The following KCNJ16 variants were observed in gnomAD, a reference collection of about 807,000 sequenced individuals.
The protein encoded by KCNJ16 is potassium inwardly rectifying channel subfamily J member 16.
A neutral mutation model predicts 18.5 loss-of-function variants in KCNJ16; 15 were observed. That is an observed-to-expected ratio of 0.81 (90% CI 0.54 to 1.25). The LOEUF is 1.25. KCNJ16 is among the 50% of genes most tolerant of loss of function. KCNJ16 has a pLI of 0.00. For missense variants in KCNJ16, 523 were observed against 525.7 expected, an observed-to-expected ratio of 0.99 and a Z score of 0.05; for synonymous variants, 174 against 186.5, an observed-to-expected ratio of 0.93 and a Z score of 0.55.
intron 2 of KCNJ16, 94 bp from the exon 3 acceptor site, chr17:70,130,785 C>A (rs1223077205): frequency 1.6e-6 from 1 of 637,378 alleles, no homozygotes. Flanking sequence ...TTCATCCCAT[C>A]TAGCACAGGT....
chr17:70,100,893 A>G (rs528107432), intron 2 of KCNJ16, 127 bp downstream of exon 2: 1 of 152,278 alleles, frequency 6.6e-6, no homozygotes, highest in South Asian at 2.1e-4. Flanking sequence ...ATACGTTTAT[A>G]TTTTCATAAA....
intron 2 of KCNJ16, among the ~76,000 whole-genome samples, chr17:70,105,813 T>C (rs1009571355): frequency 3.3e-5 from 5 of 152,212 alleles, no homozygotes; most frequent in Non-Finnish European, 7.3e-5. Flanking sequence ...TCCATTTCAC[T>C]AGAAGAAGTG....
At chr17:70,096,118 C>T (rs1169419996) in intron 1 of KCNJ16, among the ~76,000 whole-genome samples, 2 of 151,968 alleles carry the variant, frequency 1.3e-5, no homozygotes, top group African/African-American at 4.8e-5. Flanking sequence ...CTCCTGACCT[C>T]GTGATCCGCC....
chr17:70,112,876 G>A (rs1253282694), intron 2 of KCNJ16, among the ~76,000 whole-genome samples: 1 of 152,068 alleles, frequency 6.6e-6, no homozygotes, highest in Non-Finnish European at 1.5e-5. Flanking sequence ...ATTTTGTTCT[G>A]GATGCAGGAA....
intron 2 of KCNJ16, 115 bp downstream of exon 2, chr17:70,100,881 T>C (rs1214614575): frequency 6.6e-6 from 1 of 152,252 alleles, no homozygotes; most frequent in South Asian, 2.1e-4. Flanking sequence ...AGCTTTCTAC[T>C]TATACGTTTA....
At chr17:70,086,309 T>C (rs776980015) in intron 1 of KCNJ16, among the ~76,000 whole-genome samples, 61 of 152,220 alleles carry the variant, frequency 4.0e-4, no homozygotes, top group Non-Finnish European at 7.5e-4. Flanking sequence ...TGCCATTTAT[T>C]GCATAGTAAA....
intron 1 of KCNJ16, among the ~76,000 whole-genome samples, chr17:70,076,232 G>T (rs900356017): frequency 1.3e-5 from 2 of 152,028 alleles, no homozygotes; most frequent in Non-Finnish European, 2.9e-5. Flanking sequence ...TACTCTTATG[G>T]CTAGTAAGAG....
At chr17:70,085,932 G>A (rs960960806) in intron 1 of KCNJ16, among the ~76,000 whole-genome samples, 8 of 152,122 alleles carry the variant, frequency 5.3e-5, no homozygotes, top group African/African-American at 1.9e-4. Flanking sequence ...TCTAACGAAA[G>A]TAATGTTTTA....
In KCNJ16 at chr17:70,133,289, C is replaced by T. The variant is rs774718152; in HGVS notation, c.1202C>T (p.Pro401Leu). The T allele has an allele frequency of 1.2e-6, 2 of 1,614,080 alleles. No individual in the cohort carries two copies. Among genetic ancestry groups the T allele is most frequent in the East Asian group, 2.2e-5 (1 of 44,874 alleles). Residue 401 changes from proline (P) to leucine (L), a missense_variant, in exon 4 of 4, where the codon CCT becomes CTT. By Grantham distance (98) the Pro-to-Leu change is moderately conservative (BLOSUM62 -3). Coordinates refer to ENST00000392671, the MANE Select transcript of KCNJ16 (RefSeq NM_170741.4). ...GCCACACATGAATATAGGGAAACAC[C>T]TTATCAGAAAGCTCTCCTGACTTTA... The part of the protein sequence containing the change: ...TSATHEYRET[P>L]YQKALLTLNR...
In KCNJ16 at chr17:70,132,079, C is replaced by CA. The variant is rs749472709; in HGVS notation, c.-8dup. ...AAACTCACCTGGATCCCTAAGGGCACAGCAAAGAATGAGCTATTACGGCAG... is the reference window on the plus strand; with the variant it reads ...AAACTCACCTGGATCCCTAAGGGCACAAGCAAAGAATGAGCTATTACGGCAG... On this transcript the variant is annotated 5_prime_UTR_variant, in exon 4 of 4. Transcript: ENST00000392671. 1.2e-6 allele frequency: 2 copies of CA among 1,613,960 alleles called. No homozygotes were observed. Among genetic ancestry groups the CA allele is most frequent in the African/African-American group, 2.7e-5 (2 of 74,922 alleles).
intron 2 of KCNJ16, among the ~76,000 whole-genome samples, chr17:70,115,653 A>G (rs1394410486): frequency 6.6e-6 from 1 of 152,116 alleles, no homozygotes; most frequent in Non-Finnish European, 1.5e-5. Flanking sequence ...GGGGAAATGC[A>G]TTTGGTGCCC....
intron 1 of KCNJ16, among the ~76,000 whole-genome samples, chr17:70,075,804 AC>A (rs1465402845): frequency 6.7e-6 from 1 of 149,186 alleles, no homozygotes; most frequent in African/African-American, 2.5e-5. Flanking sequence ...TGTATTTTAT[AC>A]CCCCCTCTTA....
intron 3 of KCNJ16, chr17:70,131,281 A>G (rs1171065652): frequency 2.8e-6 from 3 of 1,084,946 alleles, no homozygotes; most frequent in Non-Finnish European, 3.5e-6. Context: ...CACCTTTCTG[A>G]AAGCTTACCT....
intron 2 of KCNJ16, among the ~76,000 whole-genome samples, chr17:70,129,584 GGAT>G (rs771670465): frequency 1.8e-4 from 28 of 152,286 alleles, no homozygotes; most frequent in South Asian, 4.1e-4. Flanking sequence ...GTCAAGAAAA[GGAT>G]GAGTGTATAG....
chr17:70,102,947 T>G (rs2072709777), intron 2 of KCNJ16, among the ~76,000 whole-genome samples: 1 of 151,022 alleles, frequency 6.6e-6, no homozygotes, highest in Non-Finnish European at 1.5e-5. Flanking sequence ...TCCTTTCCTT[T>G]TTTTTGAGAC....
intron 2 of KCNJ16, among the ~76,000 whole-genome samples, chr17:70,124,333 T>G (rs957649371): frequency 6.6e-6 from 1 of 152,182 alleles, no homozygotes; most frequent in Non-Finnish European, 1.5e-5. Flanking sequence ...TTTTCATGTT[T>G]GTTGATACCC....
At chr17:70,117,825 T>C (rs1216365046) in intron 2 of KCNJ16, among the ~76,000 whole-genome samples, 1 of 152,224 alleles carries the variant, frequency 6.6e-6, no homozygotes, top group East Asian at 1.9e-4. Flanking sequence ...GCTTACAATT[T>C]ATTTCACAGA....
intron 2 of KCNJ16, among the ~76,000 whole-genome samples, chr17:70,124,940 AG>A (rs752523848): frequency 2.2e-4 from 32 of 148,802 alleles, no homozygotes; most frequent in Middle Eastern, 3.4e-3. Context: ...AACAAGGAGC[AG>A]GGGATCTCCC....
intron 2 of KCNJ16, chr17:70,101,913 A>G (rs2072644142): frequency 6.6e-6 from 1 of 152,076 alleles, no homozygotes; most frequent in Admixed American, 6.6e-5. Flanking sequence ...ACTGAAAAGT[A>G]TTATCACAGA....
Sources: allele counts gnomAD v4.1 joint callset (sites outside exome capture counted in the v4.1 genomes callset), GRCh38; gene constraint gnomAD v4.1.1; transcripts MANE v1.5; gene names NCBI Gene and HGNC (gene_info 2026-07-23, HGNC 2026-07-21).